BAZ2B: variants seen among roughly 807,000 people sequenced by gnomAD.
BAZ2B encodes the protein bromodomain adjacent to zinc finger domain protein 2B.
A neutral mutation model predicts 246.0 loss-of-function variants in BAZ2B; 91 were observed. That is an observed-to-expected ratio of 0.37 (90% confidence interval 0.31 to 0.44). The LOEUF (loss-of-function observed/expected upper bound fraction) is 0.44. BAZ2B is among the 20% of genes least tolerant of loss of function. BAZ2B has a pLI of 1.00. For synonymous variants in BAZ2B, 855 were observed against 860.0 expected (o/e 0.99, Z 0.10); for missense variants, 2,332 against 2,533.7 (o/e 0.92, Z 1.71).
At chr2:159,506,491 CA>C (rs1450166040) in intron 2 of BAZ2B, among the ~76,000 whole-genome samples, 2 of 152,164 alleles carry the variant, frequency 1.3e-5, no homozygotes, top group East Asian at 3.9e-4. Context: ...GAAAAGCTTC[CA>C]GAAAGGGTTG....
At chr2:159,455,209 A>G (rs1197579183) in intron 3 of BAZ2B, among the ~76,000 whole-genome samples, 1 of 152,028 alleles carries the variant, frequency 6.6e-6, no homozygotes, top group Non-Finnish European at 1.5e-5. Flanking sequence ...TAAAAATAGT[A>G]TACTTATTAT....
chr2:159,360,521 T>C (rs2059569958), intron 27 of BAZ2B, among the ~76,000 whole-genome samples: 1 of 152,138 alleles, frequency 6.6e-6, no homozygotes, highest in Non-Finnish European at 1.5e-5. Context: ...AAAATGGCCA[T>C]ATTGCCCAAA....
At chr2:159,618,110 A>AT (rs1041630196), upstream of BAZ2B, among the ~76,000 whole-genome samples, 2 of 151,942 alleles carry the variant, frequency 1.3e-5, no homozygotes, top group African/African-American at 4.8e-5. Flanking sequence ...GCACTTATTG[A>AT]TTTTTTTTCC....
intron 1 of BAZ2B, among the ~76,000 whole-genome samples, chr2:159,607,263 A>G (rs917784242): frequency 6.6e-6 from 1 of 152,154 alleles, no homozygotes; most frequent in Non-Finnish European, 1.5e-5. Flanking sequence ...TTTGAGCCAG[A>G]GCCATCATCA....
At chr2:159,359,115 A>T (rs2059415394) in intron 27 of BAZ2B, among the ~76,000 whole-genome samples, 1 of 152,230 alleles carries the variant, frequency 6.6e-6, no homozygotes, top group African/African-American at 2.4e-5. Context: ...TCAGAGCAGA[A>T]CTAAAGGAGA....
chr2:159,698,034 A>G, the BAZ2B span, among the ~76,000 whole-genome samples: 3 of 152,156 alleles, frequency 2.0e-5, no homozygotes, highest in African/African-American at 7.2e-5. Context: ...ACCTATTATA[A>G]GAGAGATTTT....
chr2:159,475,489 T>C (rs1302924287), intron 3 of BAZ2B, among the ~76,000 whole-genome samples: 1 of 152,170 alleles, frequency 6.6e-6, no homozygotes, highest in East Asian at 1.9e-4. Context: ...ATCGCATTGG[T>C]TTAGAACATG....
chr2:159,358,647 A>ATTCTTCT (rs1207014617), intron 27 of BAZ2B, among the ~76,000 whole-genome samples: 1 of 152,214 alleles, frequency 6.6e-6, no homozygotes, highest in Non-Finnish European at 1.5e-5. Context: ...ACCCCAAATC[A>ATTCTTCT]ACAGAATATA....
chr2:159,332,458 G>A (rs1047789501), intron 34 of BAZ2B, 82 bp downstream of exon 34: 4 of 1,384,080 alleles, frequency 2.9e-6, no homozygotes, highest in Non-Finnish European at 2.9e-6. Flanking sequence ...CTGCACTCCA[G>A]CCTGGGCAAC....
chr2:159,572,945 A>T (rs1422312286), intron 1 of BAZ2B, among the ~76,000 whole-genome samples: 2 of 152,216 alleles, frequency 1.3e-5, no homozygotes, highest in Non-Finnish European at 2.9e-5. Flanking sequence ...TTTTCCAGAG[A>T]TTAACAGGGT....
chr2:159,454,477 G>C (rs138399708), intron 3 of BAZ2B, among the ~76,000 whole-genome samples: 3 of 152,270 alleles, frequency 2.0e-5, no homozygotes, highest in African/African-American at 7.2e-5. Context: ...AACCTGTTCA[G>C]GATGTTACTG....
intron 33 of BAZ2B, among the ~76,000 whole-genome samples, chr2:159,334,488 T>C (rs1558987324): frequency 6.6e-6 from 1 of 152,198 alleles, no homozygotes; most frequent in Non-Finnish European, 1.5e-5. Flanking sequence ...TCGAGCACTT[T>C]AATATTTTGT....
In BAZ2B at chr2:159,357,130, C is replaced by A. The variant is rs1020425058; in HGVS notation, c.4214-6773G>T. On this transcript the variant is annotated intron_variant, in intron 27 of 36. Transcript: ENST00000392783. Reference sequence around the variant, plus strand: ...AAAACTGGACGCAGAATGAGTTTGACGAATTGACAGAAGTGGGCTTCAGAA... The same window carrying A: ...AAAACTGGACGCAGAATGAGTTTGAAGAATTGACAGAAGTGGGCTTCAGAA... 1.3e-5 allele frequency among the ~76,000 whole-genome samples: 2 copies of A among 152,062 alleles called. 1 individual carries two copies. Among genetic ancestry groups the A allele is most frequent in the South Asian group, 4.1e-4 (2 of 4,824 alleles).
At chr2:159,455,977 T>C (rs2075724591) in intron 3 of BAZ2B, among the ~76,000 whole-genome samples, 1 of 151,956 alleles carries the variant, frequency 6.6e-6, no homozygotes, top group East Asian at 1.9e-4. Context: ...TCTTTCTCCA[T>C]CAATTTGTGT....
chr2:159,606,328 T>C (rs973995652), intron 1 of BAZ2B, among the ~76,000 whole-genome samples: 7 of 152,370 alleles, frequency 4.6e-5, no homozygotes, highest in Admixed American at 1.3e-4. Context: ...TGTCAGTTAA[T>C]GTTGCCTTGC....
intron 1 of BAZ2B, among the ~76,000 whole-genome samples, chr2:159,583,832 T>C (rs1280144498): frequency 1.3e-5 from 2 of 152,162 alleles, no homozygotes; most frequent in Non-Finnish European, 2.9e-5. Flanking sequence ...CATGTGGAAG[T>C]GTACATCTGA....
In BAZ2B at chr2:159,519,210, C is replaced by CTTTTTTTTTTTTTT; in HGVS notation, c.-3+36599_-3+36612dup. Among the ~76,000 whole-genome samples, 448 of 57,774 alleles carry CTTTTTTTTTTTTTT rather than the reference C, an allele frequency of 7.8e-3. 67 individuals are homozygous for CTTTTTTTTTTTTTT. The highest frequency in any genetic ancestry group is 0.013 in the Non-Finnish European group (385 of 29,634). The allele number at this position is 57,774 out of a possible 152,430, so 37.9% of individuals were successfully genotyped here. A position where few individuals can be genotyped will look rare whatever the true frequency, so the allele number is the denominator to read the frequency against. On this transcript the variant is annotated intron_variant, in intron 2 of 36. Coordinates refer to ENST00000392783, the MANE Select transcript of BAZ2B (RefSeq NM_013450.4). ...AAATTCCAACTTCATATTCTATTTT[C>CTTTTTTTTTTTTTT]TTTTTTTTTTTTTTTTTTTTTTTTT...
chr2:159,685,078 C>G, the BAZ2B span, among the ~76,000 whole-genome samples: 1 of 152,180 alleles, frequency 6.6e-6, no homozygotes, highest in Admixed American at 6.5e-5. Flanking sequence ...GCATATTAAA[C>G]TAGACTGCTT....
intron 3 of BAZ2B, among the ~76,000 whole-genome samples, chr2:159,455,774 T>TTTG (rs1181249072): frequency 6.8e-6 from 1 of 146,596 alleles, no homozygotes; most frequent in Non-Finnish European, 1.5e-5. Context: ...TTTTTTTTTT[T>TTTG]TTTTTTTTTT....
Sources: allele counts gnomAD v4.1 joint callset (sites outside exome capture counted in the v4.1 genomes callset), GRCh38; gene constraint gnomAD v4.1.1; transcripts MANE v1.5; gene names NCBI Gene and HGNC (gene_info 2026-07-23, HGNC 2026-07-21).